The following PVT1 variants were observed in gnomAD, a reference collection of about 807,000 sequenced individuals.
PVT1 encodes CXCR4/PVT1 fusion.
At chr8:128,015,771 C>CAAAAAAA (rs375990538) in intron 4 of PVT1, among the ~76,000 whole-genome samples, 1 of 95,886 alleles carries the variant, frequency 1.0e-5, no homozygotes, top group Non-Finnish European at 2.0e-5. Context: ...GACTTTGTCT[C>CAAAAAAA]AAAAAAAAAA....
intron 2 of PVT1, among the ~76,000 whole-genome samples, chr8:127,860,446 GCTTTGCTGATAGGC>G (rs1162938459): frequency 1.3e-5 from 2 of 152,162 alleles, no homozygotes; most frequent in Non-Finnish European, 1.5e-5. Flanking sequence ...CTAGGTTGAT[GCTTTGCTGATAGGC>G]AGCCCTGTAG....
At chr8:127,861,113 C>T (rs1815223104) in intron 2 of PVT1, among the ~76,000 whole-genome samples, 1 of 152,104 alleles carries the variant, frequency 6.6e-6, no homozygotes, top group Non-Finnish European at 1.5e-5. Context: ...TCCTTCTACC[C>T]TTCCATGTTT....
chr8:128,007,844 A>G (rs1466840529), intron 4 of PVT1, among the ~76,000 whole-genome samples: 2 of 152,208 alleles, frequency 1.3e-5, no homozygotes, highest in Non-Finnish European at 2.9e-5. Flanking sequence ...TGCCCAGTGG[A>G]CACCCACCTA....
At chr8:127,907,375 G>A (rs545334928) in intron 3 of PVT1, among the ~76,000 whole-genome samples, 3 of 151,760 alleles carry the variant, frequency 2.0e-5, no homozygotes, top group East Asian at 1.9e-4. Flanking sequence ...TGGACAGCCC[G>A]GGCCCTTTGA....
intron 2 of PVT1, among the ~76,000 whole-genome samples, chr8:127,817,819 G>A (rs1374191148): frequency 1.3e-5 from 2 of 152,022 alleles, no homozygotes; most frequent in Non-Finnish European, 2.9e-5. Context: ...TTGAGCCTGG[G>A]AGGTCGATGC....
At chr8:127,936,750 C>T (rs1481907923) in intron 3 of PVT1, among the ~76,000 whole-genome samples, 1 of 152,182 alleles carries the variant, frequency 6.6e-6, no homozygotes, top group Non-Finnish European at 1.5e-5. Flanking sequence ...TAGGAAGGAA[C>T]CTCACCCCTA....
At chr8:127,817,560 C>CATAT in intron 2 of PVT1, among the ~76,000 whole-genome samples, 2 of 85,822 alleles carry the variant, frequency 2.3e-5, no homozygotes, top group Middle Eastern at 6.6e-3. Context: ...CACACACACA[C>CATAT]ATATATATAT....
At chr8:128,076,369 G>A (rs1020212198) in intron 5 of PVT1, among the ~76,000 whole-genome samples, 2 of 152,138 alleles carry the variant, frequency 1.3e-5, no homozygotes, top group East Asian at 3.8e-4. Context: ...AAAGTTCCAA[G>A]CTCCAGCCCA....
intron 4 of PVT1, among the ~76,000 whole-genome samples, chr8:128,052,571 G>A (rs2648869): frequency 0.14 from 20,783 of 152,098 alleles, 1,771 homozygotes; most frequent in East Asian, 0.32. Flanking sequence ...AGACACTGGA[G>A]ACTACTATTC....
chr8:128,092,143 C>T (rs1280569682), intron 5 of PVT1, among the ~76,000 whole-genome samples: 1 of 152,126 alleles, frequency 6.6e-6, no homozygotes, highest in Admixed American at 6.5e-5. Flanking sequence ...GCAAAGAACC[C>T]TTAGGCTCAG....
At chr8:127,812,624 G>A (rs1355279241) in intron 2 of PVT1, among the ~76,000 whole-genome samples, 2 of 144,904 alleles carry the variant, frequency 1.4e-5, no homozygotes, top group Middle Eastern at 3.5e-3. Flanking sequence ...AGGAAAGGGA[G>A]AGAGGAAGGA....
intron 2 of PVT1, among the ~76,000 whole-genome samples, chr8:127,850,025 G>C (rs13280024): frequency 3.3e-5 from 1 of 30,380 alleles, no homozygotes; most frequent in Non-Finnish European, 5.5e-5. Context: ...CTGTGTGCAC[G>C]TGCATGGGTG....
At chr8:127,954,730 G>A (rs1171936191) in intron 3 of PVT1, among the ~76,000 whole-genome samples, 1 of 152,168 alleles carries the variant, frequency 6.6e-6, no homozygotes, top group Non-Finnish European at 1.5e-5. Flanking sequence ...TGTAGAAGAA[G>A]GATTCGGGCC....
intron 3 of PVT1, among the ~76,000 whole-genome samples, chr8:127,959,586 G>GAAAAAAAAA (rs34255005): frequency 1.3e-5 from 1 of 76,494 alleles, no homozygotes; most frequent in Non-Finnish European, 2.4e-5. Flanking sequence ...TCTGTCTCAG[G>GAAAAAAAAA]AAAAAAAAAA....
intron 4 of PVT1, among the ~76,000 whole-genome samples, chr8:128,003,637 G>T (rs4733588): frequency 0.54 from 81,894 of 152,136 alleles, 22,912 homozygotes; most frequent in African/African-American, 0.69. Flanking sequence ...CTGGCCTGTT[G>T]ATTTCTTTTT....
chr8:127,876,266 G>T lies in PVT1; in HGVS notation n.373-14323G>T, dbSNP rs1313679470. Among the ~76,000 whole-genome samples, 6 of 152,014 alleles carry T rather than the reference G, an allele frequency of 3.9e-5. No homozygotes were observed. In the East Asian group the frequency reaches 1.2e-3, roughly 29 times the overall value. On this transcript the variant is annotated intron_variant and non_coding_transcript_variant, in intron 2 of 10. Coordinates refer to ENST00000651587, the Ensembl canonical transcript of PVT1. ...GCCCCAAACAGCAGTGTGTGTGTGT[G>T]TGTGTGTGTGTGTGTGTATGTGTGG...
At chr8:127,860,764 CAAAAA>C (rs1224612475) in intron 2 of PVT1, among the ~76,000 whole-genome samples, 13 of 63,150 alleles carry the variant, frequency 2.1e-4, no homozygotes, top group Non-Finnish European at 1.8e-4. Context: ...GACCCAATCT[CAAAAA>C]AAAAAAAAAA....
At chr8:127,975,830 T>G (rs1336344044) in intron 3 of PVT1, among the ~76,000 whole-genome samples, 1 of 152,222 alleles carries the variant, frequency 6.6e-6, no homozygotes, top group Non-Finnish European at 1.5e-5. Context: ...TGTGTGTTCA[T>G]GTTGTCTCTT....
At chr8:127,815,284 A>G (rs1814648454) in intron 2 of PVT1, among the ~76,000 whole-genome samples, 2 of 152,186 alleles carry the variant, frequency 1.3e-5, no homozygotes, top group Admixed American at 1.3e-4. Flanking sequence ...AATCTTTCAA[A>G]GGTATATCTC....
Sources: allele counts gnomAD v4.1 joint callset (sites outside exome capture counted in the v4.1 genomes callset), GRCh38; gene constraint gnomAD v4.1.1; transcripts MANE v1.5; gene names NCBI Gene and HGNC (gene_info 2026-07-23, HGNC 2026-07-21).